UGT8: variants seen among roughly 807,000 people sequenced by gnomAD.
UGT8 encodes the protein UDP glycosyltransferase 8.
Under a neutral mutation model 40.5 loss-of-function variants are expected in UGT8, and 12 were observed. The observed-to-expected ratio is 0.30, with a 90% CI of 0.19 to 0.48. The LOEUF is 0.48. UGT8 is among the 20% of genes least tolerant of loss of function. The pLI, the probability that UGT8 is intolerant of heterozygous loss-of-function variation, is 0.99. For missense variants in UGT8, 513 were observed against 648.7 expected (o/e 0.79, Z 2.27); for synonymous variants, 224 against 240.4 (o/e 0.93, Z 0.63).
At chr4:114,634,941 A>G (rs1429763665) in intron 2 of UGT8, among the ~76,000 whole-genome samples, 2 of 152,114 alleles carry the variant, frequency 1.3e-5, no homozygotes, top group Non-Finnish European at 2.9e-5. Flanking sequence ...CAGATCTCTG[A>G]TAATTCATAA....
chr4:114,623,385 G>T lies in UGT8; in HGVS notation c.505G>T (p.Gly169Cys), dbSNP rs762802414. Residue 169 changes from glycine (G) to cysteine (C), a missense_variant, in exon 2 of 6, where the codon GGT (glycine) becomes TGT (cysteine). By Grantham distance (159) the Gly-to-Cys change is radical. This residue lies in a region of UGT8 where 335 missense variants were observed against 444.8 expected (regional missense o/e 0.75). Transcript: ENST00000310836. ...STGLWYPAEV[G>C]APAPLAYVPE... is the part of the protein sequence containing the mutation. ...TGGCCTTTGGTATCCTGCTGAAGTGGGTGCTCCTGCTCCATTAGCATACGT... is the reference window on the plus strand; with the variant it reads ...TGGCCTTTGGTATCCTGCTGAAGTGTGTGCTCCTGCTCCATTAGCATACGT... 6.2e-7 allele frequency: 1 copy of T among 1,614,146 alleles called. No individual in the cohort carries two copies. Among genetic ancestry groups the T allele is most frequent in the South Asian group, 1.1e-5 (1 of 91,074 alleles).
At chr4:114,652,649 G>A (rs1486716149) in intron 2 of UGT8, among the ~76,000 whole-genome samples, 4 of 151,994 alleles carry the variant, frequency 2.6e-5, no homozygotes, top group African/African-American at 9.7e-5. Flanking sequence ...TCATGGTATT[G>A]AAGGATTAGA....
intron 2 of UGT8, among the ~76,000 whole-genome samples, chr4:114,634,575 G>C (rs1455078752): frequency 2.0e-5 from 3 of 151,414 alleles, no homozygotes; most frequent in Admixed American, 1.3e-4. Context: ...AGTTAGTTGG[G>C]TATGTATACC....
chr4:114,613,699 CCTAT>C (rs1445028658), intron 1 of UGT8, among the ~76,000 whole-genome samples: 1 of 152,040 alleles, frequency 6.6e-6, no homozygotes, highest in African/African-American at 2.4e-5. Context: ...GTGCTAGATC[CCTAT>C]CTGTCAGTTC....
chr4:114,623,115 A>G lies in UGT8; in HGVS notation c.235A>G (p.Ser79Gly). Residue 79 changes from serine (S) to glycine (G), a missense_variant, in exon 2 of 6, where the codon AGT becomes GGT. Ser to Gly is a moderately conservative substitution (Grantham distance 56, BLOSUM62 0). This residue lies in a region of UGT8 where 335 missense variants were observed against 444.8 expected (regional missense o/e 0.75). Transcript: ENST00000310836. ...CCAGCGCTACCCAGGGATCTTTAAC[A>G]GTACCACCTCAGATGCTTTCCTACA... The part of the protein sequence containing the change: ...SLQRYPGIFN[S>G]TTSDAFLQSK... 1.9e-6 allele frequency: 3 copies of G among 1,614,152 alleles called. No individual in the cohort carries two copies. Among genetic ancestry groups the G allele is most frequent in the South Asian group, 2.2e-5 (2 of 91,088 alleles).
At chr4:114,673,972 G>A (rs1735460054) in intron 5 of UGT8, among the ~76,000 whole-genome samples, 1 of 152,118 alleles carries the variant, frequency 6.6e-6, no homozygotes, top group Admixed American at 6.5e-5. Flanking sequence ...GAGAGAAAAC[G>A]TGCCTGTTAA....
At chr4:114,615,353 T>C (rs1731339756) in intron 1 of UGT8, among the ~76,000 whole-genome samples, 1 of 152,188 alleles carries the variant, frequency 6.6e-6, no homozygotes, top group African/African-American at 2.4e-5. Context: ...TGTTTATTGA[T>C]ACTTGTATGT....
chr4:114,654,815 A>T (rs1229664413), intron 2 of UGT8, among the ~76,000 whole-genome samples: 3 of 152,112 alleles, frequency 2.0e-5, no homozygotes, highest in Non-Finnish European at 4.4e-5. Flanking sequence ...GAGTCAGCCA[A>T]AGCTTACCTG....
intron 3 of UGT8, 170 bp from the exon 4 acceptor site, chr4:114,665,509 TA>T (rs1734804151): frequency 1.0e-6 from 1 of 968,644 alleles, no homozygotes; most frequent in South Asian, 4.8e-5. Flanking sequence ...AAGTTTTTAT[TA>T]AAAAGAAACT....
intron 2 of UGT8, among the ~76,000 whole-genome samples, chr4:114,626,170 C>T (rs1732206355): frequency 6.6e-6 from 1 of 152,072 alleles, no homozygotes; most frequent in Non-Finnish European, 1.5e-5. Context: ...ATTCCTTATT[C>T]TGGTGTGGTT....
chr4:114,623,316 G>A lies in UGT8; in HGVS notation c.436G>A (p.Val146Met), dbSNP rs141691690. 1.0e-4 allele frequency: 166 copies of A among 1,614,026 alleles called. No individual in the cohort carries two copies. The highest frequency in any genetic ancestry group is 1.3e-4 in the Non-Finnish European group (159 of 1,180,026). The change falls in exon 2 of 6, where the codon GTG (valine) becomes ATG (methionine). Residue 146 changes from valine (V) to methionine (M), a missense_variant. By Grantham distance (21) the Val-to-Met change is conservative. Coordinates refer to ENST00000310836, the MANE Select transcript of UGT8 (RefSeq NM_001128174.3). ...GGACCCTAATGATATGTGTGGATTT[G>A]TGATAGCTCATCTTTTAGGGGTTAA... Reference protein sequence around the residue: ...LVDPNDMCGFVIAHLLGVKYA... With the variant: ...LVDPNDMCGFMIAHLLGVKYA...
intron 1 of UGT8, among the ~76,000 whole-genome samples, chr4:114,609,744 C>A (rs1321089655): frequency 6.6e-6 from 1 of 152,012 alleles, no homozygotes; most frequent in African/African-American, 2.4e-5. Flanking sequence ...TTTTTGCCAG[C>A]AAAAATGATG....
intron 2 of UGT8, among the ~76,000 whole-genome samples, chr4:114,646,385 CTATA>C (rs890122307): frequency 6.6e-6 from 1 of 150,976 alleles, no homozygotes; most frequent in African/African-American, 2.4e-5. Context: ...ATATCTATAT[CTATA>C]TATATATGCA....
intron 2 of UGT8, among the ~76,000 whole-genome samples, chr4:114,657,607 A>G (rs959213639): frequency 3.3e-4 from 51 of 152,288 alleles, no homozygotes; most frequent in African/African-American, 1.1e-3. Flanking sequence ...TCATTTATGT[A>G]TTTTAAACAA....
chr4:114,644,502 C>A (rs957952908), intron 2 of UGT8, among the ~76,000 whole-genome samples: 1 of 152,188 alleles, frequency 6.6e-6, no homozygotes, highest in African/African-American at 2.4e-5. Flanking sequence ...CATTGAAATG[C>A]AATGATTCTT....
chr4:114,652,260 A>C (rs1733933338), intron 2 of UGT8, among the ~76,000 whole-genome samples: 1 of 152,068 alleles, frequency 6.6e-6, no homozygotes, highest in African/African-American at 2.4e-5. Context: ...AAGTCACCAG[A>C]GTGGTCAGGG....
rs1355169778 is a variant in UGT8, at chr4:114,623,149, T to C, written c.269T>C (p.Met90Thr). 3.1e-6 allele frequency: 5 copies of C among 1,613,986 alleles called. No homozygotes were observed. In the African/African-American group the frequency reaches 4.0e-5, roughly 13 times the overall value. The change falls in exon 2 of 6, where the codon ATG becomes ACG. Residue 90 changes from methionine (M) to threonine (T), a missense_variant. Coordinates refer to ENST00000310836, the MANE Select transcript of UGT8 (RefSeq NM_001128174.3). ...TCAGATGCTTTCCTACAGTCCAAGA[T>C]GCGGAATATTTTCTCTGGGAGATTG... ...TTSDAFLQSK[M>T]RNIFSGRLTA...
At chr4:114,655,044 G>A (rs1275636455) in intron 2 of UGT8, among the ~76,000 whole-genome samples, 1 of 151,168 alleles carries the variant, frequency 6.6e-6, no homozygotes, top group Non-Finnish European at 1.5e-5. Context: ...ACCAATTCCC[G>A]GTACCTAGTT....
At chr4:114,616,366 A>G (rs1027856499) in intron 1 of UGT8, among the ~76,000 whole-genome samples, 1 of 152,146 alleles carries the variant, frequency 6.6e-6, no homozygotes, top group African/African-American at 2.4e-5. Flanking sequence ...GCTAGCAATG[A>G]GTGAGGCTCC....
Sources: allele counts gnomAD v4.1 joint callset (sites outside exome capture counted in the v4.1 genomes callset), GRCh38; gene constraint gnomAD v4.1.1; regional missense constraint gnomAD v4.1.1; transcripts MANE v1.5; gene names NCBI Gene and HGNC (gene_info 2026-07-23, HGNC 2026-07-21).